The following DIS3L2 variants were observed in gnomAD, a reference collection of about 807,000 sequenced individuals.
DIS3L2 encodes DIS3-like exonuclease 2.
A neutral mutation model predicts 97.5 loss-of-function variants in DIS3L2; 34 were observed. That is an observed-to-expected ratio of 0.35 (90% CI 0.27 to 0.46). DIS3L2 has a LOEUF of 0.46. Among genes scored for constraint, DIS3L2 ranks in the 20% least tolerant of loss-of-function variants. The pLI, the probability that DIS3L2 is intolerant of heterozygous loss-of-function variation, is 1.00. For synonymous variants in DIS3L2, 435 were observed against 445.2 expected, an observed-to-expected ratio of 0.98 and a Z score of 0.29; for missense variants, 1,038 against 1,146.0, an observed-to-expected ratio of 0.91 and a Z score of 1.36.
At chr2:232,243,245 G>A (rs1693155110) in intron 11 of DIS3L2, among the ~76,000 whole-genome samples, 1 of 152,162 alleles carries the variant, frequency 6.6e-6, no homozygotes, top group Non-Finnish European at 1.5e-5. Context: ...CCAGGCAGAG[G>A]CTAGAAAAAG....
intron 14 of DIS3L2, among the ~76,000 whole-genome samples, chr2:232,327,224 T>G (rs1307169291): frequency 6.6e-6 from 1 of 152,230 alleles, no homozygotes; most frequent in Non-Finnish European, 1.5e-5. Flanking sequence ...CCTGCCCGCC[T>G]GGTGGCCTCC....
chr2:232,294,103 C>T (rs575251715), intron 13 of DIS3L2, among the ~76,000 whole-genome samples: 1 of 152,300 alleles, frequency 6.6e-6, no homozygotes, highest in East Asian at 1.9e-4. Flanking sequence ...CAGTTCTGGC[C>T]CGCATGACCA....
chr2:232,320,410 A>C (rs1199106016), intron 14 of DIS3L2, among the ~76,000 whole-genome samples: 1 of 152,240 alleles, frequency 6.6e-6, no homozygotes, highest in Admixed American at 6.5e-5. Context: ...CTGCCCTTGC[A>C]GGAGAGAATT....
At chr2:232,115,007 T>A (rs78761008) in intron 6 of DIS3L2, among the ~76,000 whole-genome samples, 1 of 152,066 alleles carries the variant, frequency 6.6e-6, no homozygotes, top group Non-Finnish European at 1.5e-5. Flanking sequence ...GCTGAATGTG[T>A]TAGCTCAGGT....
At chr2:232,213,661 G>GGGCT (rs1692252705) in intron 10 of DIS3L2, among the ~76,000 whole-genome samples, 1 of 80,740 alleles carries the variant, frequency 1.2e-5, no homozygotes, top group Non-Finnish European at 2.3e-5. Flanking sequence ...ATCATCTGTA[G>GGGCT]TTTTTTTTTT....
chr2:232,072,470 C>T (rs1371473844), intron 5 of DIS3L2, among the ~76,000 whole-genome samples: 1 of 152,030 alleles, frequency 6.6e-6, no homozygotes, highest in Non-Finnish European at 1.5e-5. Context: ...AGAGAATTGT[C>T]AGAGACGAGG....
In DIS3L2 at chr2:232,006,675, A is replaced by G. The variant is rs1300588973; in HGVS notation, c.-93-8160A>G. On this transcript the variant is annotated intron_variant, in intron 1 of 20. Coordinates refer to ENST00000325385, the MANE Select transcript of DIS3L2 (RefSeq NM_152383.5). ...AACTCTTTAAAAGAGAAGTGAGATG[A>G]GGTATAAGAGTAGAATCTTGTAAAT... 2.0e-5 allele frequency among the ~76,000 whole-genome samples: 3 copies of G among 152,168 alleles called. No individual in the cohort carries two copies. The East Asian group carries it at 5.8e-4, about 29-fold the overall frequency.
At chr2:232,274,828 A>G (rs1392804297) in intron 13 of DIS3L2, among the ~76,000 whole-genome samples, 1 of 152,280 alleles carries the variant, frequency 6.6e-6, no homozygotes, top group Admixed American at 6.5e-5. Context: ...TTTTAGCATG[A>G]AAACAAAGAC....
At chr2:231,973,293 C>CAG (rs1692975702) in intron 1 of DIS3L2, among the ~76,000 whole-genome samples, 1 of 152,022 alleles carries the variant, frequency 6.6e-6, no homozygotes, top group Admixed American at 6.6e-5. Flanking sequence ...TACACACACA[C>CAG]ACACACGTAT....
At chr2:232,344,245 T>C (rs1696172140) in exon 14 of DIS3L2, 1 of 152,232 alleles carries the variant, frequency 6.6e-6, no homozygotes, top group Non-Finnish European at 1.5e-5. Flanking sequence ...TGTATAAAAG[T>C]ATGTTATGTA....
intron 9 of DIS3L2, among the ~76,000 whole-genome samples, chr2:232,168,507 CTT>C (rs59078351): frequency 3.3e-5 from 5 of 151,760 alleles, no homozygotes; most frequent in Non-Finnish European, 4.4e-5. Flanking sequence ...AGCCAGTTGC[CTT>C]TTTTTTTGCA....
At chr2:231,965,447 C>CTT (rs36010857) in intron 1 of DIS3L2, among the ~76,000 whole-genome samples, 106 of 140,446 alleles carry the variant, frequency 7.5e-4, no homozygotes, top group South Asian at 5.8e-3. Flanking sequence ...TCTGAATTGA[C>CTT]TTTTTTTTTT....
intron 6 of DIS3L2, among the ~76,000 whole-genome samples, chr2:232,125,960 A>G (rs1024637349): frequency 6.6e-6 from 1 of 152,160 alleles, no homozygotes; most frequent in Non-Finnish European, 1.5e-5. Flanking sequence ...ACAAATACAT[A>G]CTGCATTCTT....
At chr2:232,324,649 G>A (rs1478441917) in intron 14 of DIS3L2, among the ~76,000 whole-genome samples, 3 of 152,136 alleles carry the variant, frequency 2.0e-5, no homozygotes, top group African/African-American at 7.2e-5. Flanking sequence ...GTGGCTTTGT[G>A]GTGAGGGTAG....
chr2:232,184,103 G>A (rs1275743237), intron 9 of DIS3L2, among the ~76,000 whole-genome samples: 3 of 152,212 alleles, frequency 2.0e-5, no homozygotes, highest in African/African-American at 7.2e-5. Flanking sequence ...TTGCATCTCA[G>A]ATTGTTAAAA....
At chr2:232,312,598 A>G (rs972436625) in intron 14 of DIS3L2, among the ~76,000 whole-genome samples, 5 of 152,234 alleles carry the variant, frequency 3.3e-5, no homozygotes, top group African/African-American at 1.2e-4. Flanking sequence ...ATTTCCATAT[A>G]GATTTTAGAA....
chr2:232,156,406 G>C (rs1272349132), intron 8 of DIS3L2, among the ~76,000 whole-genome samples: 2 of 151,628 alleles, frequency 1.3e-5, no homozygotes, highest in Admixed American at 1.3e-4. Context: ...GAGTATCTTT[G>C]GTCATTTCTG....
At chr2:231,984,977 T>C (rs1316279569) in intron 1 of DIS3L2, among the ~76,000 whole-genome samples, 1 of 152,234 alleles carries the variant, frequency 6.6e-6, no homozygotes, top group East Asian at 1.9e-4. Flanking sequence ...TAAGAAATAA[T>C]GTAGAGAAAT....
At chr2:232,079,997 T>C (rs1696339132) in intron 5 of DIS3L2, among the ~76,000 whole-genome samples, 1 of 152,232 alleles carries the variant, frequency 6.6e-6, no homozygotes, top group African/African-American at 2.4e-5. Flanking sequence ...TGATCTGATT[T>C]GTGTTTTAAA....
Sources: allele counts gnomAD v4.1 joint callset (sites outside exome capture counted in the v4.1 genomes callset), GRCh38; gene constraint gnomAD v4.1.1; transcripts MANE v1.5; gene names NCBI Gene and HGNC (gene_info 2026-07-23, HGNC 2026-07-21).